The following GDPD1 variants were observed in gnomAD, a reference collection of about 807,000 sequenced individuals.
The protein encoded by GDPD1 is glycerophosphodiester phosphodiesterase domain containing 1, also known as lysophospholipase D GDPD1.
In GDPD1, 28 loss-of-function variants were observed where a neutral mutation model predicts 45.1. The observed-to-expected ratio is 0.62, with a 90% CI of 0.46 to 0.85. The LOEUF (loss-of-function observed/expected upper bound fraction) is 0.85, where lower values mean the gene tolerates loss of function less well. GDPD1 is among the 40% of genes least tolerant of loss of function. The pLI, the probability that GDPD1 is intolerant of heterozygous loss-of-function variation, is 0.00. For missense variants in GDPD1, 256 were observed against 364.8 expected (o/e 0.70, Z 2.43); for synonymous variants, 139 against 131.4 (o/e 1.06, Z -0.40).
chr17:59,234,551 G>A lies in GDPD1; in HGVS notation c.185+17G>A. On this transcript the variant is annotated intron_variant, in intron 2 of 9. Transcript: ENST00000284116. Reference sequence around the variant, plus strand: ...CTTTCAGCAGTAAGTATGTAAAAAAGGTAAAAGGTACTCTTTTCTTTTACA... The same window carrying A: ...CTTTCAGCAGTAAGTATGTAAAAAAAGTAAAAGGTACTCTTTTCTTTTACA... 6.4e-7 allele frequency: 1 copy of A among 1,567,218 alleles called. No homozygotes were observed. Among genetic ancestry groups the A allele is most frequent in the Non-Finnish European group, 8.8e-7 (1 of 1,140,084 alleles).
chr17:59,229,751 C>CA (rs2047075005), intron 1 of GDPD1, among the ~76,000 whole-genome samples: 1 of 152,150 alleles, frequency 6.6e-6, no homozygotes, highest in Non-Finnish European at 1.5e-5. Flanking sequence ...AAGCAAACAA[C>CA]ACACGGCTTA....
chr17:59,264,852 T>G (rs1055748193), intron 6 of GDPD1, among the ~76,000 whole-genome samples: 1 of 152,068 alleles, frequency 6.6e-6, no homozygotes, highest in Non-Finnish European at 1.5e-5. Flanking sequence ...ATATAATTTT[T>G]TAATTTGAGA....
intron 6 of GDPD1, among the ~76,000 whole-genome samples, chr17:59,263,337 A>C (rs1263748802): frequency 6.6e-6 from 1 of 152,100 alleles, no homozygotes; most frequent in African/African-American, 2.4e-5. Flanking sequence ...TAAAAGGCTC[A>C]CTTTTGGCCT....
At chr17:59,239,980 C>T (rs146838763) in intron 2 of GDPD1, among the ~76,000 whole-genome samples, 77 of 151,678 alleles carry the variant, frequency 5.1e-4, no homozygotes, top group African/African-American at 1.8e-3. Flanking sequence ...GATTATAGGC[C>T]GGAGCAACTG....
intron 4 of GDPD1, 105 bp downstream of exon 4, chr17:59,248,890 C>A: frequency 1.3e-6 from 1 of 747,590 alleles, no homozygotes; most frequent in Non-Finnish European, 2.3e-6. Context: ...TAAGTTTGTT[C>A]CCTCAGGCCT....
chr17:59,272,881 A>C (rs762559243), intron 9 of GDPD1, 45 bp downstream of exon 9: 5 of 1,613,368 alleles, frequency 3.1e-6, no homozygotes, highest in Non-Finnish European at 4.2e-6. Context: ...ATAGCTCACC[A>C]GTTTAACACA....
chr17:59,266,841 C>T (rs1472197957), intron 6 of GDPD1, among the ~76,000 whole-genome samples, 200 bp from the exon 7 acceptor site: 1 of 152,150 alleles, frequency 6.6e-6, no homozygotes, highest in African/African-American at 2.4e-5. Flanking sequence ...TACTATGAGG[C>T]TCCAAGATCA....
intron 4 of GDPD1, among the ~76,000 whole-genome samples, chr17:59,250,849 G>A (rs552404784): frequency 6.6e-6 from 1 of 151,920 alleles, no homozygotes; most frequent in African/African-American, 2.4e-5. Context: ...ACAGGTACCC[G>A]CCACCATACC....
rs574730883 is a variant in GDPD1, at chr17:59,248,373, T to A, written c.322-367T>A. ...GCATTATAATTATACCAAAATTTGC[T>A]AATTAAATTTTAATTAACATTTCAT... is the stretch of plus-strand genomic sequence containing the variant. On this transcript the variant is annotated intron_variant, in intron 3 of 9. Coordinates refer to ENST00000284116, the MANE Select transcript of GDPD1 (RefSeq NM_182569.4). 3.2e-4 allele frequency among the ~76,000 whole-genome samples: 48 copies of A among 152,228 alleles called. 2 individuals carry two copies. In the South Asian group the frequency reaches 9.3e-3, roughly 30 times the overall value.
At chr17:59,251,021 A>G (rs1000527002) in intron 4 of GDPD1, among the ~76,000 whole-genome samples, 3 of 152,298 alleles carry the variant, frequency 2.0e-5, no homozygotes, top group African/African-American at 7.2e-5. Context: ...TTGAATGTGA[A>G]GAGACCTTTG....
chr17:59,249,548 A>C lies in GDPD1; in HGVS notation c.367+763A>C, dbSNP rs192465701. On this transcript the variant is annotated intron_variant, in intron 4 of 9. Coordinates refer to ENST00000284116, the MANE Select transcript of GDPD1 (RefSeq NM_182569.4). ...TTAAATGATTAAACAGACTTCTGTC[A>C]TTCAAATAAAACATTTCCTAGTCAT... 3.0e-3 allele frequency among the ~76,000 whole-genome samples: 457 copies of C among 152,318 alleles called. 2 individuals are homozygous for C. Among genetic ancestry groups the C allele is most frequent in the Non-Finnish European group, 4.4e-3 (299 of 68,026 alleles).
At position 59,275,170 on chromosome 17, in the gene GDPD1, G is replaced by C. The variant is rs893618778; in HGVS notation, c.*1397G>C. 2 of 1,537,200 alleles carry C rather than the reference G, an allele frequency of 1.3e-6. No homozygotes were observed. Among genetic ancestry groups the C allele is most frequent in the Non-Finnish European group, 1.7e-6 (2 of 1,146,838 alleles). ...AAAAGAAATTTTGAAGGCCATTGCA[G>C]CTATTTGGTAGTGTCTTGTTATTTC... On this transcript the variant is annotated 3_prime_UTR_variant, in exon 10 of 10. Transcript: ENST00000284116.
intron 2 of GDPD1, among the ~76,000 whole-genome samples, chr17:59,240,055 G>A (rs1036838257): frequency 1.3e-5 from 2 of 152,104 alleles, no homozygotes; most frequent in African/African-American, 4.8e-5. Context: ...CACTTTGGGA[G>A]GCCGAGGCGG....
At chr17:59,245,289 T>C in intron 2 of GDPD1, 125 bp from the exon 3 acceptor site, 1 of 611,262 alleles carries the variant, frequency 1.6e-6, no homozygotes, top group Non-Finnish European at 2.8e-6. Flanking sequence ...TACTAAGTGA[T>C]GGTATTAAGG....
intron 1 of GDPD1, among the ~76,000 whole-genome samples, chr17:59,231,397 G>A (rs1597964303): frequency 1.4e-5 from 2 of 139,130 alleles, no homozygotes; most frequent in African/African-American, 5.5e-5. Context: ...CACGATCTCA[G>A]CTCACTGCAA....
intron 4 of GDPD1, among the ~76,000 whole-genome samples, chr17:59,256,818 CATA>C (rs1210432444): frequency 6.6e-6 from 1 of 152,054 alleles, no homozygotes; most frequent in Non-Finnish European, 1.5e-5. Context: ...ATTAATAAAT[CATA>C]ATCATAAGCA....
chr17:59,240,211 A>G (rs1470575843), intron 2 of GDPD1, among the ~76,000 whole-genome samples: 1 of 151,950 alleles, frequency 6.6e-6, no homozygotes, highest in Admixed American at 6.6e-5. Context: ...GTATCGCTTG[A>G]ACCTGGAGAG....
At chr17:59,245,291 G>A in intron 2 of GDPD1, 123 bp from the exon 3 acceptor site, 1 of 660,798 alleles carries the variant, frequency 1.5e-6, no homozygotes, top group Non-Finnish European at 2.6e-6. Flanking sequence ...CTAAGTGATG[G>A]TATTAAGGAG....
intron 3 of GDPD1, among the ~76,000 whole-genome samples, chr17:59,246,843 C>T: frequency 6.6e-6 from 1 of 151,642 alleles, no homozygotes; most frequent in East Asian, 1.9e-4. Flanking sequence ...TCTCGGCTCA[C>T]TGCAACCTCT....
Sources: gnomAD v4.1 joint callset for allele counts (sites outside exome capture counted in the v4.1 genomes callset) on GRCh38, gnomAD v4.1.1 for gene constraint, MANE v1.5 for transcripts, NCBI Gene and HGNC (gene_info 2026-07-23, HGNC 2026-07-21) for gene names.